HUWE1: variants seen among roughly 807,000 people sequenced by gnomAD.
HUWE1 encodes the protein E3 ubiquitin-protein ligase HUWE1.
HUWE1 carries 18 observed loss-of-function variants against 299.4 expected under a neutral mutation model. The observed-to-expected ratio is 0.06, with a 90% CI of 0.04 to 0.09. HUWE1 has a LOEUF of 0.09. Ranked by LOEUF, HUWE1 falls within the 10% of genes least tolerant of loss-of-function variation. The probability of loss-of-function intolerance (pLI) is 1.00; values close to 1 mark genes in which losing one functional copy is unlikely to be tolerated. For missense variants in HUWE1, 1,832 were observed against 3,462.3 expected (o/e 0.53, Z 11.82); for synonymous variants, 1,317 against 1,286.1 (o/e 1.02, Z -0.51).
chrX:53,644,758 TCTCAAAG>T (rs2067853681), intron 7 of HUWE1, among the ~76,000 whole-genome samples: 1 of 112,352 alleles, frequency 8.9e-6, no homozygotes, highest in East Asian at 2.8e-4. Flanking sequence ...GTGGGTTACC[TCTCAAAG>T]CTAAGTATGT....
chrX:53,603,344 TAA>T (rs1491293957), intron 27 of HUWE1, 22 bp downstream of exon 27: 1 of 1,200,301 alleles, frequency 8.3e-7, no homozygotes, highest in Non-Finnish European at 1.1e-6. Flanking sequence ...AACAAAGTAA[TAA>T]GAGAGAGAGC....
intron 23 of HUWE1, among the ~76,000 whole-genome samples, chrX:53,609,560 A>G (rs2065334028): frequency 8.9e-6 from 1 of 112,468 alleles, no homozygotes. Flanking sequence ...TTGTCTTTTC[A>G]GTTGCTTCAA....
chrX:53,580,906 T>C lies in HUWE1; in HGVS notation c.5641A>G (p.Asn1881Asp), dbSNP rs781940133. The C allele has an allele frequency of 2.6e-5, 32 of 1,209,506 alleles. No homozygotes were observed. In the South Asian group the frequency reaches 5.3e-4, roughly 20 times the overall value. Residue 1881 changes from asparagine to aspartate, a missense_variant, in exon 43 of 84, where the codon AAT becomes GAT. Physicochemically the swap from Asn to Asp is conservative, Grantham distance 23 (BLOSUM62 1). This residue lies in a region of HUWE1 where 47 missense variants were observed against 45.8 expected (regional missense o/e 1.03). Transcript: ENST00000262854. The part of the protein sequence containing the change: ...LRVLGPAACR[N>D]PDIFTEVANC... Reference sequence around the variant, plus strand: ...GCCACTTCTGTGAATATGTCTGGATTGCGGCATGCGGCTGGCCCAAGGACA... The same window carrying C: ...GCCACTTCTGTGAATATGTCTGGATCGCGGCATGCGGCTGGCCCAAGGACA...
intron 7 of HUWE1, among the ~76,000 whole-genome samples, chrX:53,637,647 T>C (rs1465135175): frequency 8.9e-6 from 1 of 112,592 alleles, no homozygotes; most frequent in African/African-American, 3.2e-5. Context: ...TTTGGTAAGC[T>C]GAGATCCTTA....
At position 53,608,855 on chromosome X, in the gene HUWE1, A is replaced by G; in HGVS notation, c.2316T>C (p.Asn772=). The G allele has an allele frequency of 8.7e-7, 1 of 1,147,578 alleles. No individual in the cohort carries two copies. The highest frequency in any genetic ancestry group is 1.2e-6 in the Non-Finnish European group (1 of 836,766). 94.6% of individuals were successfully genotyped at this position (1,147,578 alleles called of 1,213,427 possible). A position where few individuals can be genotyped will look rare whatever the true frequency, so the allele number is the denominator to read the frequency against. The change falls in exon 24 of 84, where the codon AAT becomes AAC. Residue 772 remains asparagine, a synonymous_variant. Transcript: ENST00000262854. ...TTTGCCCTGTGTTGAATCTTACCAC[A>G]TTAAGGATGTAATCCATGAGGGGAA... ...IPIPLMDYIL[N]VMKFVESILS...
Position 53,535,335 on chromosome X carries a change from G to T in HUWE1, c.12649+49C>A. ...CATGCCTATCAAATGAATCAAGTCC[G>T]ACCTCTTCTCATATTGAGCAACTAG... On this transcript the variant is annotated intron_variant, in intron 81 of 83. Transcript: ENST00000262854. 1.2e-6 allele frequency: 1 copy of T among 811,804 alleles called. No homozygotes were observed. Among genetic ancestry groups the T allele is most frequent in the South Asian group, 2.0e-5 (1 of 49,205 alleles). 66.9% of individuals were successfully genotyped at this position (811,804 alleles called of 1,213,427 possible).
intron 18 of HUWE1, 132 bp downstream of exon 18, chrX:53,625,025 A>G: frequency 2.0e-6 from 1 of 504,554 alleles, no homozygotes; most frequent in Non-Finnish European, 3.6e-6. Context: ...AAAACAACTA[A>G]AAGCTATTGA....
Position 53,535,432 on chromosome X carries a change from CCT to C in HUWE1, c.12599_12600del (p.Glu4200GlyfsTer3). ...KPNGANILVT[E>X]ENKKEYVHLV... ...AGGTGTACATACTCCTTCTTATTCT[CCT>C]CTGTTACCAAGATGTTGGCCCCATT... On this transcript the variant is annotated frameshift_variant, in exon 81 of 84. Transcript: ENST00000262854. LOFTEE classifies it high-confidence loss of function. 8.3e-7 allele frequency: 1 copy of C among 1,208,488 alleles called. No homozygotes were observed. The highest frequency in any genetic ancestry group is 1.1e-6 in the Non-Finnish European group (1 of 892,590).
chrX:53,536,099 T>C, intron 80 of HUWE1, 48 bp downstream of exon 80: 1 of 807,185 alleles, frequency 1.2e-6, no homozygotes, highest in Non-Finnish European at 1.9e-6. Context: ...CTGGAATGGA[T>C]CTTCCAGATT....
chrX:53,535,835 C>T, intron 80 of HUWE1: 1 of 374,449 alleles, frequency 2.7e-6, no homozygotes, highest in Non-Finnish European at 4.6e-6. Flanking sequence ...GAAGAGTAAC[C>T]TTAACTGCCT....
intron 81 of HUWE1, 36 bp from the exon 82 acceptor site, chrX:53,534,733 A>G (rs1427650438): frequency 4.3e-6 from 5 of 1,162,649 alleles, no homozygotes; most frequent in Non-Finnish European, 5.8e-6. Flanking sequence ...TGACTTCTAA[A>G]CTCACACAAC....
intron 23 of HUWE1, among the ~76,000 whole-genome samples, chrX:53,611,675 T>A (rs2065480026): frequency 9.1e-6 from 1 of 110,022 alleles, no homozygotes; most frequent in South Asian, 3.9e-4. Flanking sequence ...GAGGCCAACA[T>A]GGCAAAACCC....
At position 53,679,307 on chromosome X, in the gene HUWE1, A is replaced by G. The variant is rs782808315; in HGVS notation, c.-25+742T>C. Among the ~76,000 whole-genome samples, 214 of 112,868 alleles carry G rather than the reference A, an allele frequency of 1.9e-3. 1 individual carries two copies. Among genetic ancestry groups the G allele is most frequent in the Non-Finnish European group, 2.9e-3 (154 of 53,360 alleles). On this transcript the variant is annotated intron_variant, in intron 3 of 83. Transcript: ENST00000262854. Reference sequence around the variant, plus strand: ...AAGAAAAAAAACAAAGCTTAAAAAAAAATCAGAAATCTGAACATTTTATAT... The same window carrying G: ...AAGAAAAAAAACAAAGCTTAAAAAAGAATCAGAAATCTGAACATTTTATAT...
At chrX:53,560,840 C>A (rs1556940385) in intron 55 of HUWE1, among the ~76,000 whole-genome samples, 1 of 111,679 alleles carries the variant, frequency 9.0e-6, no homozygotes, top group Non-Finnish European at 1.9e-5. Context: ...TACTATAGTG[C>A]AATGTAATGC....
chrX:53,638,552 T>A (rs2067367801), intron 7 of HUWE1, among the ~76,000 whole-genome samples: 1 of 111,624 alleles, frequency 9.0e-6, no homozygotes, highest in Admixed American at 9.5e-5. Context: ...TGATGCTCTC[T>A]AAGATGGAAT....
intron 40 of HUWE1, 90 bp downstream of exon 40, chrX:53,584,922 T>C: frequency 1.0e-6 from 1 of 969,575 alleles, no homozygotes; most frequent in Non-Finnish European, 1.5e-6. Flanking sequence ...AAAACCTCAA[T>C]GTGTGGTGTT....
rs1443505541 is a variant in HUWE1, at chrX:53,551,493, A to G, written c.8882-13T>C. On this transcript the variant is annotated splice_polypyrimidine_tract_variant and intron_variant, in intron 63 of 83. Coordinates refer to ENST00000262854, the MANE Select transcript of HUWE1 (RefSeq NM_031407.7). The stretch of plus-strand genomic sequence containing the variant: ...GGGAGACTGATACCTGAAGGGAGAT[A>G]TAACATGTAAAGGGATTCACGCCTT... 2 of 1,165,111 alleles carry G rather than the reference A, an allele frequency of 1.7e-6. No homozygotes were observed. Among genetic ancestry groups the G allele is most frequent in the Non-Finnish European group, 1.2e-6 (1 of 864,134 alleles).
At position 53,552,871 on chromosome X, in the gene HUWE1, A is replaced by C. The variant is rs1386277108; in HGVS notation, c.8517T>G (p.Ala2839=). Residue 2839 remains alanine, a synonymous_variant, in exon 62 of 84, where the codon GCT becomes GCG. Transcript: ENST00000262854. ...CAGCCGTCAGTGCATCAGAATCCTC[A>C]GCTCTCTCTGGGGAAAGTGAGGCTA... ...PTITSLSPER[A]EDSDALTAVS... The C allele has an allele frequency of 5.0e-6, 6 of 1,210,083 alleles. No individual in the cohort carries two copies. The African/African-American group carries it at 1.0e-4, about 21-fold the overall frequency.
At chrX:53,685,875 T>C (rs2070411646) in intron 2 of HUWE1, among the ~76,000 whole-genome samples, 1 of 112,089 alleles carries the variant, frequency 8.9e-6, no homozygotes, top group Non-Finnish European at 1.9e-5. Context: ...CCATTCATTA[T>C]GGCATTGCTT....
Sources: gnomAD v4.1 joint callset for allele counts (sites outside exome capture counted in the v4.1 genomes callset) on GRCh38, gnomAD v4.1.1 for gene constraint, gnomAD v4.1.1 regional missense constraint, MANE v1.5 for transcripts, NCBI Gene and HGNC (gene_info 2026-07-23, HGNC 2026-07-21) for gene names.